The following SLC7A8 variants were observed in gnomAD, a reference collection of about 807,000 sequenced individuals.
SLC7A8 encodes the protein large neutral amino acids transporter small subunit 2.
SLC7A8 carries 30 observed loss-of-function variants against 51.2 expected under a neutral mutation model. That is an observed-to-expected ratio of 0.59 (90% CI 0.44 to 0.80). The LOEUF is 0.80. SLC7A8 is among the 30% of genes least tolerant of loss of function. SLC7A8 has a pLI of 0.00. For missense variants in SLC7A8, 612 were observed against 674.4 expected (o/e 0.91, Z 1.03); for synonymous variants, 257 against 275.8 (o/e 0.93, Z 0.67).
intron 6 of SLC7A8, 52 bp from the exon 7 acceptor site, chr14:23,138,076 C>A (rs1452645404): frequency 6.3e-7 from 1 of 1,597,834 alleles, no homozygotes; most frequent in East Asian, 2.2e-5. Context: ...ACTCCCCGAC[C>A]CCTCAGCTCC....
Position 23,128,475 on chromosome 14 carries a change from G to T in SLC7A8, c.1264-279C>A. The T allele has an allele frequency of 9.9e-7, 1 of 1,011,282 alleles. No homozygotes were observed. The highest frequency in any genetic ancestry group is 1.4e-6 in the Non-Finnish European group (1 of 706,824). 62.6% of individuals were successfully genotyped at this position (1,011,282 alleles called of 1,614,324 possible). On this transcript the variant is annotated intron_variant, in intron 9 of 10. Transcript: ENST00000316902. The surrounding 1 kb of genome is among the most constrained non-coding windows in gnomAD (Gnocchi z 4.3). ...ATGTCCTCGCTCTTGGGTGTGGTTA[G>T]ACAAGGCCTCATCATGCATGCCATG... is the stretch of plus-strand genomic sequence containing the variant.
chr14:23,143,230 C>G (rs767052584), intron 3 of SLC7A8, 26 bp from the exon 4 acceptor site: 1 of 1,612,918 alleles, frequency 6.2e-7, no homozygotes, highest in South Asian at 1.1e-5. Context: ...CCCAAACAGA[C>G]CTTCAGGGGC....
At chr14:23,155,813 G>A (rs1349463081) in intron 3 of SLC7A8, among the ~76,000 whole-genome samples, 5 of 151,932 alleles carry the variant, frequency 3.3e-5, no homozygotes, top group Admixed American at 1.3e-4. Context: ...TTCAGTCTTG[G>A]AAGACAGGGT....
chr14:23,166,158 G>C (rs776676201), intron 2 of SLC7A8, among the ~76,000 whole-genome samples, 178 bp downstream of exon 2: 1 of 152,068 alleles, frequency 6.6e-6, no homozygotes, highest in Non-Finnish European at 1.5e-5. Flanking sequence ...GCCTCAAGGG[G>C]ATACAAGGCT....
intron 1 of SLC7A8, among the ~76,000 whole-genome samples, chr14:23,167,510 T>C (rs1216828888): frequency 6.6e-6 from 1 of 152,026 alleles, no homozygotes; most frequent in African/African-American, 2.4e-5. Context: ...GCTGGTTTTC[T>C]CCTGAGAGGT....
intron 3 of SLC7A8, among the ~76,000 whole-genome samples, chr14:23,162,194 T>A (rs1005280150): frequency 6.6e-6 from 1 of 152,138 alleles, no homozygotes; most frequent in African/African-American, 2.4e-5. Context: ...TTATAGCTAA[T>A]GCATGTACGT....
intron 3 of SLC7A8, among the ~76,000 whole-genome samples, chr14:23,161,681 A>G (rs999705107): frequency 1.3e-5 from 2 of 152,118 alleles, no homozygotes; most frequent in African/African-American, 2.4e-5. Context: ...CAGTGGCCTC[A>G]CTTTGGGAGG....
intron 3 of SLC7A8, chr14:23,146,677 G>A (rs1003607136): frequency 3.9e-5 from 6 of 152,234 alleles, no homozygotes; most frequent in African/African-American, 1.4e-4. Context: ...GGTGGGGATA[G>A]GCAGGCTGCC....
chr14:23,131,376 G>T, intron 8 of SLC7A8, 85 bp downstream of exon 8: 1 of 1,110,706 alleles, frequency 9.0e-7, no homozygotes, highest in Non-Finnish European at 1.3e-6. Flanking sequence ...TAACAGGGGT[G>T]TGTGTGAAAA....
intron 3 of SLC7A8, among the ~76,000 whole-genome samples, chr14:23,150,603 T>C (rs1238655296): frequency 6.6e-6 from 1 of 152,230 alleles, no homozygotes; most frequent in Non-Finnish European, 1.5e-5. Context: ...TTGAATCATG[T>C]GACGATACTC....
At chr14:23,180,927 T>C (rs1472242217) in intron 1 of SLC7A8, among the ~76,000 whole-genome samples, 7 of 152,140 alleles carry the variant, frequency 4.6e-5, no homozygotes, top group Admixed American at 4.6e-4. Context: ...CTCGGGAGGC[T>C]GAGGCAGGAG....
At chr14:23,169,259 G>A (rs1017965159) in intron 1 of SLC7A8, among the ~76,000 whole-genome samples, 1 of 152,184 alleles carries the variant, frequency 6.6e-6, no homozygotes. Flanking sequence ...TAGAGAGGCT[G>A]AGGTGGGAGG....
intron 3 of SLC7A8, among the ~76,000 whole-genome samples, chr14:23,158,391 G>C (rs2048904845): frequency 2.0e-5 from 3 of 152,338 alleles, no homozygotes; most frequent in Admixed American, 2.0e-4. Flanking sequence ...TGTCGCCCAG[G>C]CTGGAGTGCA....
rs771270900 is a variant in SLC7A8 at position 23,127,233 on chromosome 14, T to A, written c.1552A>T (p.Met518Leu). ...TCCTTCGTGGGAGTGGGTTGGTACA[T>A]GGGCTGCTGCTGCTCCTCCATGTCC... ...NEDMEEQQQP[M>L]YQPTPTKDKD... Residue 518 changes from methionine to leucine, a missense_variant, in exon 11 of 11, where the codon ATG becomes TTG. Transcript: ENST00000316902. The A allele has an allele frequency of 6.2e-7, 1 of 1,614,074 alleles. No individual in the cohort carries two copies. The highest frequency in any genetic ancestry group is 8.5e-7 in the Non-Finnish European group (1 of 1,179,968).
intron 7 of SLC7A8, among the ~76,000 whole-genome samples, chr14:23,133,253 A>C (rs2048657008): frequency 6.6e-6 from 1 of 151,986 alleles, no homozygotes; most frequent in South Asian, 2.1e-4. Flanking sequence ...GTCTGGGCAA[A>C]ATAGTGGACC....
chr14:23,161,798 A>AGG (rs1381923950), intron 3 of SLC7A8, among the ~76,000 whole-genome samples: 1 of 151,928 alleles, frequency 6.6e-6, no homozygotes, highest in Non-Finnish European at 1.5e-5. Flanking sequence ...ATGGTGGCTT[A>AGG]TGCCTGTAAT....
intron 3 of SLC7A8, among the ~76,000 whole-genome samples, chr14:23,161,903 G>C (rs1044745382): frequency 1.5e-5 from 2 of 136,726 alleles, no homozygotes; most frequent in African/African-American, 5.4e-5. Context: ...CTCCAGCCTG[G>C]GTGACAGAGT....
At chr14:23,145,484 G>A (rs1022718485) in intron 3 of SLC7A8, among the ~76,000 whole-genome samples, 16 of 147,344 alleles carry the variant, frequency 1.1e-4, no homozygotes, top group African/African-American at 2.8e-4. Context: ...CCGAGATTGT[G>A]CCAGTGTTCT....
Position 23,166,382 on chromosome 14 carries a change from C to T in SLC7A8, c.310G>A (p.Gly104Arg). The change falls in exon 2 of 11, where the codon GGA becomes AGA. Residue 104 changes from glycine (G) to arginine (R), a missense_variant. Transcript: ENST00000316902. The part of the protein sequence containing the change: ...AELGVTIPKS[G>R]GDYSYVKDIF... ...TCCTTGACATAGGAGTAGTCACCTC[C>T]AGATTTGGGGATGGTGACCCCGAGT... 6.2e-7 allele frequency: 1 copy of T among 1,614,156 alleles called. No individual in the cohort carries two copies. The highest frequency in any genetic ancestry group is 8.5e-7 in the Non-Finnish European group (1 of 1,180,040).
Sources: gnomAD v4.1 joint callset for allele counts (sites outside exome capture counted in the v4.1 genomes callset) on GRCh38, gnomAD v4.1.1 for gene constraint, Gnocchi (gnomAD v3.1) non-coding constraint, MANE v1.5 for transcripts, NCBI Gene and HGNC (gene_info 2026-07-23, HGNC 2026-07-21) for gene names.